The following CNTLN variants were observed in gnomAD, a reference collection of about 807,000 sequenced individuals.
CNTLN encodes the protein centlein.
A neutral mutation model predicts 180.0 loss-of-function variants in CNTLN; 212 were observed. The observed-to-expected ratio is 1.18, with a 90% confidence interval of 1.05 to 1.32. The LOEUF (loss-of-function observed/expected upper bound fraction) is 1.32, where lower values mean the gene tolerates loss of function less well. Among genes scored for constraint, CNTLN ranks in the 40% most tolerant of loss-of-function variants. The probability of loss-of-function intolerance (pLI) is 0.00; values close to 1 mark genes in which losing one functional copy is unlikely to be tolerated. For synonymous variants in CNTLN, 722 were observed against 563.1 expected, an observed-to-expected ratio of 1.28 and a Z score of -3.99; for missense variants, 2,095 against 1,610.9, an observed-to-expected ratio of 1.30 and a Z score of -5.14.
At chr9:17,186,376 T>C (rs16935397) in intron 2 of CNTLN, among the ~76,000 whole-genome samples, 2,887 of 152,282 alleles carry the variant, frequency 0.019, 57 homozygotes, top group African/African-American at 0.05. Flanking sequence ...ATAGGATTCA[T>C]GTTGGTAAGC....
intron 15 of CNTLN, among the ~76,000 whole-genome samples, chr9:17,397,659 T>C (rs1826641673): frequency 6.6e-6 from 1 of 152,228 alleles, no homozygotes; most frequent in Admixed American, 6.5e-5. Context: ...TTACTGGGAA[T>C]GCCTCCCGGC....
At chr9:17,286,823 A>G (rs1192292115) in intron 6 of CNTLN, among the ~76,000 whole-genome samples, 2 of 119,506 alleles carry the variant, frequency 1.7e-5, no homozygotes, top group Non-Finnish European at 3.3e-5. Flanking sequence ...TTGTTGGTGT[A>G]TAAGAATGCT....
At position 17,466,878 on chromosome 9, in the gene CNTLN, C is replaced by T; in HGVS notation, c.3842C>T (p.Thr1281Ile). ...LLANEKVEEF[T>I]TFVKALAKEL... ...GCCAATGAAAAAGTAGAAGAGTTCA[C>T]CACATTTGTGAAGGTTTGAATTACT... Residue 1281 changes from threonine (T) to isoleucine (I), a missense_variant, in exon 23 of 26, where the codon ACC becomes ATC. Coordinates refer to ENST00000380647, the MANE Select transcript of CNTLN (RefSeq NM_017738.4). 1.9e-6 allele frequency: 3 copies of T among 1,608,392 alleles called. No individual in the cohort carries two copies. Among genetic ancestry groups the T allele is most frequent in the Non-Finnish European group, 2.6e-6 (3 of 1,176,466 alleles).
intron 18 of CNTLN, among the ~76,000 whole-genome samples, chr9:17,416,455 T>C (rs1300761378): frequency 6.6e-6 from 1 of 152,194 alleles, no homozygotes; most frequent in Non-Finnish European, 1.5e-5. Context: ...TTCTCATCTT[T>C]GAAATATTTT....
chr9:17,332,974 C>T (rs1209640661), intron 10 of CNTLN, among the ~76,000 whole-genome samples: 1 of 151,872 alleles, frequency 6.6e-6, no homozygotes, highest in Non-Finnish European at 1.5e-5. Context: ...AATATTTTGT[C>T]TTAAAATTGG....
chr9:17,472,534 C>G (rs1255325600), intron 23 of CNTLN, among the ~76,000 whole-genome samples: 1 of 152,104 alleles, frequency 6.6e-6, no homozygotes, highest in Non-Finnish European at 1.5e-5. Flanking sequence ...TTATTCCCAT[C>G]ATCATACCCC....
chr9:17,149,512 CTTTT>C (rs55691769), intron 2 of CNTLN, among the ~76,000 whole-genome samples: 1 of 106,146 alleles, frequency 9.4e-6, no homozygotes. Flanking sequence ...TTCTTTCTTT[CTTTT>C]TTTTTTTTTT....
chr9:17,298,567 A>T, intron 7 of CNTLN: 1 of 1,206,642 alleles, frequency 8.3e-7, no homozygotes, highest in Non-Finnish European at 1.0e-6. Context: ...CTTAAAATAT[A>T]GATACAAACT....
At chr9:17,274,453 A>ATATCTATCTGTCTATC (rs1554675078) in intron 6 of CNTLN, among the ~76,000 whole-genome samples, 1 of 138,774 alleles carries the variant, frequency 7.2e-6, no homozygotes, top group Non-Finnish European at 1.6e-5. Flanking sequence ...TCATAGATCA[A>ATATCTATCTGTCTATC]TATCTATCTA....
Position 17,395,058 on chromosome 9 carries a change from G to T in CNTLN, c.2604G>T (p.Val868=). ...TCAGCAAGGACGGCTGGGAGGATGT[G>T]AGTGAAAGCAGGTAAGGCTCTCATT... ...ENLSKDGWED[V]SESSSDSEAQ... The change falls in exon 15 of 26, where the codon GTG becomes GTT. Residue 868 remains valine (V), a synonymous_variant. Coordinates refer to ENST00000380647, the MANE Select transcript of CNTLN (RefSeq NM_017738.4). 1 of 1,606,720 alleles carries T rather than the reference G, an allele frequency of 6.2e-7. No individual in the cohort carries two copies. Among genetic ancestry groups the T allele is most frequent in the Non-Finnish European group, 8.5e-7 (1 of 1,175,064 alleles).
chr9:17,358,398 G>C (rs1370728183), intron 12 of CNTLN, among the ~76,000 whole-genome samples: 2 of 152,056 alleles, frequency 1.3e-5, no homozygotes, highest in African/African-American at 2.4e-5. Flanking sequence ...TAATTTCTAA[G>C]TGTAAAATGT....
chr9:17,342,826 G>C (rs1438161037), intron 12 of CNTLN, among the ~76,000 whole-genome samples: 1 of 152,226 alleles, frequency 6.6e-6, no homozygotes, highest in Non-Finnish European at 1.5e-5. Context: ...ACGCAATGCA[G>C]AATGCCTGAG....
At chr9:17,359,749 A>C (rs1385899939) in intron 12 of CNTLN, among the ~76,000 whole-genome samples, 1 of 138,232 alleles carries the variant, frequency 7.2e-6, no homozygotes, top group East Asian at 2.2e-4. Flanking sequence ...AAAAAAAAAA[A>C]ACTAGCTGGG....
chr9:17,473,850 A>C (rs1329967539), intron 23 of CNTLN, among the ~76,000 whole-genome samples: 1 of 152,198 alleles, frequency 6.6e-6, no homozygotes, highest in African/African-American at 2.4e-5. Flanking sequence ...CTCAGTTCTT[A>C]GTTCTTATCT....
chr9:17,257,604 G>C (rs893835426), intron 5 of CNTLN, among the ~76,000 whole-genome samples: 5 of 151,368 alleles, frequency 3.3e-5, no homozygotes, highest in African/African-American at 4.9e-5. Context: ...CAGTGTAAAA[G>C]TGTTCCTATT....
At chr9:17,178,890 A>G (rs1044753276) in intron 2 of CNTLN, among the ~76,000 whole-genome samples, 5 of 152,158 alleles carry the variant, frequency 3.3e-5, no homozygotes, top group African/African-American at 1.2e-4. Context: ...GCCAAGGCCG[A>G]GGAGGCGCCG....
chr9:17,272,355 G>C (rs1828014397), intron 5 of CNTLN, among the ~76,000 whole-genome samples: 1 of 152,080 alleles, frequency 6.6e-6, no homozygotes, highest in Non-Finnish European at 1.5e-5. Context: ...GATTACAGGC[G>C]TGAGTCACTG....
intron 18 of CNTLN, among the ~76,000 whole-genome samples, chr9:17,433,430 G>A (rs200581122): frequency 3.3e-5 from 5 of 151,840 alleles, no homozygotes; most frequent in East Asian, 2.0e-4. Flanking sequence ...GATTACAGGC[G>A]CCTGCCACCA....
rs1012876555 is a variant in CNTLN, at chr9:17,405,159, A to G, written c.2616-4134A>G. Reference sequence around the variant, plus strand: ...GTTGATTTCTACCTCTTGTTATTATAGTTTGCCATACCATACTCTTTATTT... The same window carrying G: ...GTTGATTTCTACCTCTTGTTATTATGGTTTGCCATACCATACTCTTTATTT... On this transcript the variant is annotated intron_variant, in intron 15 of 25. Coordinates refer to ENST00000380647, the MANE Select transcript of CNTLN (RefSeq NM_017738.4). 1.3e-5 allele frequency among the ~76,000 whole-genome samples: 2 copies of G among 151,624 alleles called. 1 individual carries two copies. Among genetic ancestry groups the G allele is most frequent in the Admixed American group, 1.3e-4 (2 of 15,218 alleles).
Sources: gnomAD v4.1 joint callset for allele counts (sites outside exome capture counted in the v4.1 genomes callset) on GRCh38, gnomAD v4.1.1 for gene constraint, MANE v1.5 for transcripts, NCBI Gene and HGNC (gene_info 2026-07-23, HGNC 2026-07-21) for gene names.